The following SWAP70 variants were observed in gnomAD, a reference collection of about 807,000 sequenced individuals.
The protein encoded by SWAP70 is switch-associated protein 70.
Under a neutral mutation model 80.2 loss-of-function variants are expected in SWAP70, and 34 were observed. The ratio of observed to expected loss-of-function variants is 0.42; its 90% CI spans 0.32 to 0.56. The LOEUF (loss-of-function observed/expected upper bound fraction) is 0.56. SWAP70 is among the 20% of genes least tolerant of loss of function. The probability of loss-of-function intolerance (pLI) is 0.09; values close to 1 mark genes in which losing one functional copy is unlikely to be tolerated. For synonymous variants in SWAP70, 239 were observed against 238.5 expected (o/e 1.00, Z -0.02); for missense variants, 578 against 690.7 (o/e 0.84, Z 1.83).
chr11:9,736,287 T>G (rs150524595), intron 7 of SWAP70, among the ~76,000 whole-genome samples: 142 of 152,254 alleles, frequency 9.3e-4, no homozygotes, highest in African/African-American at 3.0e-3. Context: ...TTTCCTTTAG[T>G]TATTTGAGCA....
chr11:9,692,076 C>G (rs897375735), intron 1 of SWAP70, among the ~76,000 whole-genome samples: 1 of 152,084 alleles, frequency 6.6e-6, no homozygotes, highest in Non-Finnish European at 1.5e-5. Flanking sequence ...ACAGCTCACT[C>G]ATCCATTAGT....
intron 9 of SWAP70, chr11:9,740,666 G>A (rs1851424794): frequency 1.6e-5 from 6 of 380,842 alleles, no homozygotes; most frequent in South Asian, 4.4e-5. Flanking sequence ...TCTGATAAGA[G>A]CTTGGCATCT....
At chr11:9,690,985 C>A (rs1850691197) in intron 1 of SWAP70, among the ~76,000 whole-genome samples, 1 of 152,048 alleles carries the variant, frequency 6.6e-6, no homozygotes, top group Non-Finnish European at 1.5e-5. Flanking sequence ...CTCAATGCAG[C>A]CTCGACCTCC....
At chr11:9,741,660 A>G (rs1347498520) in intron 9 of SWAP70, 1 of 152,248 alleles carries the variant, frequency 6.6e-6, no homozygotes, top group African/African-American at 2.4e-5. Flanking sequence ...GACACAGCAG[A>G]GACTAGATCA....
chr11:9,749,923 C>T lies in SWAP70; in HGVS notation c.1711C>T (p.Leu571Phe), dbSNP rs138131700. 2 of 1,613,930 alleles carry T rather than the reference C, an allele frequency of 1.2e-6. No individual in the cohort carries two copies. The highest frequency in any genetic ancestry group is 1.3e-5 in the African/African-American group (1 of 74,908). The change falls in exon 12 of 12, where the codon CTT (leucine) becomes TTT (phenylalanine). Residue 571 changes from leucine (L) to phenylalanine (F), a missense_variant. Leu to Phe is a conservative substitution (Grantham distance 22). Coordinates refer to ENST00000318950, the MANE Select transcript of SWAP70 (RefSeq NM_015055.4). ...WGPAAFTEAE[L>F]EEREKNWKEK... ...ACCTGCAGCTTTCACTGAGGCAGAA[C>T]TTGAAGAGAGAGAGAAGAACTGGAA...
intron 1 of SWAP70, among the ~76,000 whole-genome samples, chr11:9,668,386 T>C (rs563300706): frequency 6.6e-6 from 1 of 152,372 alleles, no homozygotes; most frequent in South Asian, 2.1e-4. Context: ...AATGCAACTG[T>C]GCAATTGTAT....
intron 1 of SWAP70, among the ~76,000 whole-genome samples, chr11:9,691,175 C>T (rs1320197664): frequency 6.6e-6 from 1 of 152,188 alleles, no homozygotes; most frequent in Admixed American, 6.5e-5. Context: ...GTTTCAGCCC[C>T]CCAGAGTGCT....
At chr11:9,695,804 G>C (rs1850749833) in intron 2 of SWAP70, among the ~76,000 whole-genome samples, 1 of 151,880 alleles carries the variant, frequency 6.6e-6, no homozygotes, top group Non-Finnish European at 1.5e-5. Flanking sequence ...ACTGGCAATA[G>C]TTGTTTTTTT....
chr11:9,686,339 A>T (rs1292657751), intron 1 of SWAP70, among the ~76,000 whole-genome samples: 1 of 136,120 alleles, frequency 7.3e-6, no homozygotes, highest in Non-Finnish European at 1.6e-5. Flanking sequence ...ATCCTCTTTT[A>T]TTTTCTTATT....
intron 2 of SWAP70, 30 bp from the exon 3 acceptor site, chr11:9,713,436 T>G: frequency 3.8e-6 from 6 of 1,595,866 alleles, no homozygotes; most frequent in Non-Finnish European, 5.1e-6. Flanking sequence ...TCGGACTGAT[T>G]TGTTGGAGTT....
At chr11:9,729,650 C>G (rs963605672) in intron 6 of SWAP70, among the ~76,000 whole-genome samples, 199 bp downstream of exon 6, 1 of 151,598 alleles carries the variant, frequency 6.6e-6, no homozygotes, top group African/African-American at 2.4e-5. Flanking sequence ...AGCCACCACG[C>G]CCAGCTAATG....
Position 9,734,413 on chromosome 11 carries a change from T to C in SWAP70, c.1080+1703T>C, listed in dbSNP as rs74586603. Among the ~76,000 whole-genome samples, 546 of 152,342 alleles carry C rather than the reference T, an allele frequency of 3.6e-3. 17 individuals are homozygous for C. In the East Asian group the frequency reaches 0.061, roughly 17 times the overall value. On this transcript the variant is annotated intron_variant, in intron 7 of 11. Transcript: ENST00000318950. ...GCATGTAGTGTTCTGCTCTGTATAA[T>C]GTGAAGAAGGCATGCCTGGTGTTAG...
chr11:9,700,705 G>A (rs1187606361), intron 2 of SWAP70, among the ~76,000 whole-genome samples: 1 of 152,170 alleles, frequency 6.6e-6, no homozygotes, highest in Non-Finnish European at 1.5e-5. Flanking sequence ...AGGATTATTT[G>A]CTCCCTTTAG....
chr11:9,665,728 T>C (rs1192317677), intron 1 of SWAP70, among the ~76,000 whole-genome samples: 1 of 152,250 alleles, frequency 6.6e-6, no homozygotes, highest in Non-Finnish European at 1.5e-5. Flanking sequence ...AATTGCTAAG[T>C]AATATTCTAT....
At chr11:9,725,569 A>ATTTTTTTTT (rs746391271) in intron 4 of SWAP70, among the ~76,000 whole-genome samples, 5 of 26,604 alleles carry the variant, frequency 1.9e-4, no homozygotes, top group African/African-American at 6.2e-4. Flanking sequence ...ATATATATAT[A>ATTTTTTTTT]TTTTTTTTTT....
rs181965745 is a variant in SWAP70, at chr11:9,684,615, C to T, written c.100-9531C>T. Among the ~76,000 whole-genome samples the T allele has an allele frequency of 3.7e-3, 564 of 152,088 alleles. 1 individual carries two copies. The highest frequency in any genetic ancestry group is 0.012 in the African/African-American group (498 of 41,484). On this transcript the variant is annotated intron_variant, in intron 1 of 11. Transcript: ENST00000318950. Reference sequence around the variant, plus strand: ...CTTCTCTACTAGATCTCAGGCCAGACGAGTTGTGCTTGGCTAGTTCTGGTG... The same window carrying T: ...CTTCTCTACTAGATCTCAGGCCAGATGAGTTGTGCTTGGCTAGTTCTGGTG...
chr11:9,666,986 G>C (rs1179884270), intron 1 of SWAP70, among the ~76,000 whole-genome samples: 1 of 152,060 alleles, frequency 6.6e-6, no homozygotes, highest in African/African-American at 2.4e-5. Flanking sequence ...GCCCTGCAAA[G>C]TGCTGGGACT....
chr11:9,671,118 T>C (rs1850372331), intron 1 of SWAP70, among the ~76,000 whole-genome samples: 1 of 135,002 alleles, frequency 7.4e-6, no homozygotes, highest in African/African-American at 2.9e-5. Context: ...TATAAAAATA[T>C]ATATAAATAT....
At chr11:9,712,098 G>C (rs1851006103) in intron 2 of SWAP70, among the ~76,000 whole-genome samples, 1 of 152,106 alleles carries the variant, frequency 6.6e-6, no homozygotes, top group African/African-American at 2.4e-5. Context: ...TCTTTCCCCA[G>C]ATGTCAAGAT....
Sources: gnomAD v4.1 joint callset for allele counts (sites outside exome capture counted in the v4.1 genomes callset) on GRCh38, gnomAD v4.1.1 for gene constraint, MANE v1.5 for transcripts, NCBI Gene and HGNC (gene_info 2026-07-23, HGNC 2026-07-21) for gene names.